FAM124B: variants seen among roughly 807,000 people sequenced by gnomAD.
FAM124B encodes the protein protein FAM124B.
FAM124B carries 18 observed loss-of-function variants against 19.7 expected under a neutral mutation model. The observed-to-expected ratio is 0.92, with a 90% confidence interval of 0.63 to 1.36. The LOEUF (loss-of-function observed/expected upper bound fraction) is 1.36. Ranked by LOEUF, FAM124B falls within the 40% of genes most tolerant of loss-of-function variation. The pLI is 0.00. For synonymous variants in FAM124B, 223 were observed against 225.2 expected (o/e 0.99, Z 0.09); for missense variants, 540 against 553.3 (o/e 0.98, Z 0.24).
Position 224,379,403 on chromosome 2 carries a change from T to G in FAM124B, c.*170A>C. 1.0e-6 allele frequency: 1 copy of G among 971,224 alleles called. No homozygotes were observed. The highest frequency in any genetic ancestry group is 1.5e-6 in the Non-Finnish European group (1 of 688,728). The allele number at this position is 971,224 out of a possible 1,614,324, so 60.2% of individuals were successfully genotyped here. On this transcript the variant is annotated 3_prime_UTR_variant, in exon 2 of 2. Coordinates refer to ENST00000409685, the MANE Select transcript of FAM124B (RefSeq NM_001122779.2). ...ACTGTGACGGCAAATAAACAATCAT[T>G]CCCAGCACCTTTAGACTTTGAACAT...
rs982165858 is a variant in FAM124B, at chr2:224,401,174, G to A, written c.595C>T (p.Pro199Ser). The change falls in exon 1 of 2, where the codon CCC becomes TCC. Residue 199 changes from proline to serine, a missense_variant. Pro to Ser is a moderately conservative substitution (Grantham distance 74). Transcript: ENST00000409685. Reference protein sequence around the residue: ...KQLPPGMSVDPKESSVLQFKV... With the variant: ...KQLPPGMSVDSKESSVLQFKV... ...AACTGCAGCACCGAAGACTCTTTGG[G>A]GTCCACTGACATTCCCGGGGGCAGC... The A allele has an allele frequency of 1.9e-6, 3 of 1,614,134 alleles. No homozygotes were observed. The highest frequency in any genetic ancestry group is 1.7e-5 in the Admixed American group (1 of 60,012).
chr2:224,389,481 A>G (rs1482146015), intron 1 of FAM124B, among the ~76,000 whole-genome samples: 1 of 152,200 alleles, frequency 6.6e-6, no homozygotes, highest in East Asian at 1.9e-4. Context: ...GAAGGCAGGA[A>G]GCAGAAATGA....
Position 224,379,460 on chromosome 2 carries a change from G to T in FAM124B, c.*113C>A. 1.5e-6 allele frequency: 2 copies of T among 1,314,026 alleles called. No individual in the cohort carries two copies. Among genetic ancestry groups the T allele is most frequent in the Non-Finnish European group, 1.0e-6 (1 of 984,972 alleles). 81.4% of individuals were successfully genotyped at this position (1,314,026 alleles called of 1,614,324 possible). On this transcript the variant is annotated 3_prime_UTR_variant, in exon 2 of 2. Transcript: ENST00000409685. ...TAAAATCAATACAGATTGTGCATGGGGAGCATTCAGCCCCCCTCAGATGAA... is the reference window on the plus strand; with the variant it reads ...TAAAATCAATACAGATTGTGCATGGTGAGCATTCAGCCCCCCTCAGATGAA...
intron 1 of FAM124B, among the ~76,000 whole-genome samples, chr2:224,393,897 T>C (rs1026714007): frequency 2.6e-5 from 4 of 152,142 alleles, no homozygotes; most frequent in African/African-American, 9.7e-5. Flanking sequence ...GGAGTGGTGG[T>C]AGCAGCAGTT....
chr2:224,400,708 A>G (rs1291082568), intron 1 of FAM124B, among the ~76,000 whole-genome samples: 1 of 152,172 alleles, frequency 6.6e-6, no homozygotes, highest in African/African-American at 2.4e-5. Context: ...TCTTTATAGT[A>G]GAATCCTGTC....
chr2:224,392,804 G>A (rs1412013456), intron 1 of FAM124B, among the ~76,000 whole-genome samples: 2 of 144,368 alleles, frequency 1.4e-5, no homozygotes, highest in African/African-American at 2.6e-5. Flanking sequence ...TGTCACCAAC[G>A]AGGCTATACA....
At chr2:224,394,892 G>A (rs749902964) in intron 1 of FAM124B, among the ~76,000 whole-genome samples, 18 of 152,278 alleles carry the variant, frequency 1.2e-4, no homozygotes, top group Middle Eastern at 3.4e-3. Flanking sequence ...TACTGCAGGC[G>A]CTTGCAGGAG....
chr2:224,400,213 C>T (rs539873046), intron 1 of FAM124B: 2 of 388,500 alleles, frequency 5.1e-6, no homozygotes, highest in Admixed American at 4.1e-5. Flanking sequence ...ACCTGTGTAA[C>T]AAACCTGCAC....
chr2:224,387,459 A>G (rs1161671898), intron 1 of FAM124B, among the ~76,000 whole-genome samples: 1 of 152,236 alleles, frequency 6.6e-6, no homozygotes, highest in Non-Finnish European at 1.5e-5. Flanking sequence ...CTGGGGAAAA[A>G]AAATGACTGC....
In FAM124B at chr2:224,379,685, G is replaced by C. The variant is rs1689680467; in HGVS notation, c.1256C>G (p.Pro419Arg). 6.4e-7 allele frequency: 1 copy of C among 1,551,662 alleles called. No homozygotes were observed. The highest frequency in any genetic ancestry group is 2.4e-5 in the East Asian group (1 of 40,914). The change falls in exon 2 of 2, where the codon CCA (proline) becomes CGA (arginine). Residue 419 changes from proline to arginine, a missense_variant. Physicochemically the swap from Pro to Arg is moderately radical, Grantham distance 103 (BLOSUM62 -2). Transcript: ENST00000409685. ...ACCAAGGTCCCTTTGGCCAGCAAGT[G>C]GCAAAGGAGAGACTCTTTCCTTAAG... is the stretch of plus-strand genomic sequence containing the variant. Reference protein sequence around the residue: ...SVLKERVSPLPLAGQRDLGTR... With the variant: ...SVLKERVSPLRLAGQRDLGTR...
rs968090587 is a variant in FAM124B at position 224,379,985 on chromosome 2, C to T, written c.956G>A (p.Arg319Gln). 1.2e-5 allele frequency: 19 copies of T among 1,551,600 alleles called. No homozygotes were observed. The highest frequency in any genetic ancestry group is 3.3e-4 in the Middle Eastern group (2 of 6,012). Residue 319 changes from arginine to glutamine, a missense_variant, in exon 2 of 2, where the codon CGG becomes CAG. Transcript: ENST00000409685. ...AGCTGGGCTGCTGACCTGGAATGAC[C>T]GGCCAGGGCTTTTCCACGAAGTGCC... ...CAGTSWKSPG[R>Q]SFQVSSPAMG... is the part of the protein sequence containing the mutation.
At position 224,380,126 on chromosome 2, in the gene FAM124B, AC is replaced by A. The variant is rs1372509340; in HGVS notation, c.814del (p.Val272SerfsTer74). On this transcript the variant is annotated frameshift_variant, in exon 2 of 2. Transcript: ENST00000409685. LOFTEE classifies it low-confidence loss of function (END_TRUNC). ...GGGTTCTGAGGTCCTCTTTGCAGAG[AC>A]AGAAGTCAGCCTGGAGCCCAGGGGA... The part of the protein sequence containing the change: ...MLPLGSRLTS[V>X]SAKRTSEPRS... 1 of 1,551,456 alleles carries A rather than the reference AC, an allele frequency of 6.4e-7. No homozygotes were observed. The highest frequency in any genetic ancestry group is 8.7e-7 in the Non-Finnish European group (1 of 1,146,976).
intron 1 of FAM124B, among the ~76,000 whole-genome samples, chr2:224,380,608 A>C (rs1030227489): frequency 6.6e-6 from 1 of 152,218 alleles, no homozygotes; most frequent in Non-Finnish European, 1.5e-5. Flanking sequence ...CCACCAAACC[A>C]TGTGGTTAAA....
At chr2:224,382,647 G>A (rs181891702) in intron 1 of FAM124B, among the ~76,000 whole-genome samples, 1 of 152,192 alleles carries the variant, frequency 6.6e-6, no homozygotes, top group East Asian at 1.9e-4. Flanking sequence ...AACCTAAGGT[G>A]ATCCATCCAC....
At chr2:224,393,448 T>G (rs1689919895) in intron 1 of FAM124B, among the ~76,000 whole-genome samples, 1 of 152,224 alleles carries the variant, frequency 6.6e-6, no homozygotes, top group Admixed American at 6.5e-5. Flanking sequence ...CTCTCTAGCT[T>G]CCAGGGAGGT....
Position 224,401,519 on chromosome 2 carries a change from G to T in FAM124B, c.250C>A (p.Arg84Ser). Residue 84 changes from arginine (R) to serine (S), a missense_variant, in exon 1 of 2, where the codon CGC becomes AGC. By Grantham distance (110) the Arg-to-Ser change is moderately radical. Coordinates refer to ENST00000409685, the MANE Select transcript of FAM124B (RefSeq NM_001122779.2). ...GAATGCTGGAGAGAGTCCAGGACGC[G>T]AAATAGCCTATCCTCTCCCGGGCTT... ...HESPGEDRLF[R>S]VLDSLQHSPW... is the part of the protein sequence containing the mutation. 6.2e-7 allele frequency: 1 copy of T among 1,614,100 alleles called. No homozygotes were observed. The highest frequency in any genetic ancestry group is 8.5e-7 in the Non-Finnish European group (1 of 1,179,998).
chr2:224,394,273 C>T (rs1006184990), intron 1 of FAM124B, among the ~76,000 whole-genome samples: 4 of 152,106 alleles, frequency 2.6e-5, no homozygotes, highest in African/African-American at 9.7e-5. Flanking sequence ...TCCACCTATG[C>T]CCCTAGCCCA....
chr2:224,393,664 A>G (rs1407095658), intron 1 of FAM124B, among the ~76,000 whole-genome samples: 1 of 152,088 alleles, frequency 6.6e-6, no homozygotes, highest in Non-Finnish European at 1.5e-5. Flanking sequence ...CTCCAGGAGA[A>G]GTGGGTAAAG....
intron 1 of FAM124B, among the ~76,000 whole-genome samples, chr2:224,391,111 A>G (rs1689879951): frequency 4.0e-5 from 6 of 150,506 alleles, no homozygotes; most frequent in Admixed American, 4.0e-4. Flanking sequence ...GGGAGGCCAA[A>G]GTGGGTGGAT....
Sources: gnomAD v4.1 joint callset for allele counts (sites outside exome capture counted in the v4.1 genomes callset) on GRCh38, gnomAD v4.1.1 for gene constraint, MANE v1.5 for transcripts, NCBI Gene and HGNC (gene_info 2026-07-23, HGNC 2026-07-21) for gene names.